VTCN1: variants seen among roughly 807,000 people sequenced by gnomAD.
VTCN1 encodes the protein V-set domain containing T cell activation inhibitor 1.
Under a neutral mutation model 26.5 loss-of-function variants are expected in VTCN1, and 26 were observed. That is an observed-to-expected ratio of 0.98 (90% confidence interval 0.72 to 1.36). The LOEUF is 1.36. Ranked by LOEUF, VTCN1 falls within the 40% of genes most tolerant of loss-of-function variation. The probability of loss-of-function intolerance (pLI) is 0.00; values close to 1 mark genes in which losing one functional copy is unlikely to be tolerated. For missense variants in VTCN1, 298 were observed against 337.7 expected (o/e 0.88, Z 0.92); for synonymous variants, 116 against 130.7 (o/e 0.89, Z 0.77).
At chr1:117,205,030 AT>A (rs751177435) in intron 1 of VTCN1, among the ~76,000 whole-genome samples, 1 of 150,736 alleles carries the variant, frequency 6.6e-6, no homozygotes, top group Non-Finnish European at 1.5e-5. Context: ...ATACACGTAT[AT>A]ATATACGTGT....
At chr1:117,178,587 CG>C (rs1378825955) in intron 1 of VTCN1, among the ~76,000 whole-genome samples, 1 of 43,296 alleles carries the variant, frequency 2.3e-5, no homozygotes. Flanking sequence ...TTCTTTCTTT[CG>C]TTTTTTTTTT....
chr1:117,157,034 A>G (rs1258509369), intron 2 of VTCN1, 113 bp from the exon 3 acceptor site: 2 of 1,596,466 alleles, frequency 1.3e-6, no homozygotes, highest in African/African-American at 1.3e-5. Flanking sequence ...AAAAATACAG[A>G]AGAACATGAG....
intron 1 of VTCN1, among the ~76,000 whole-genome samples, chr1:117,179,823 C>T (rs1011662664): frequency 2.6e-5 from 4 of 151,976 alleles, no homozygotes; most frequent in Non-Finnish European, 5.9e-5. Flanking sequence ...TAATCTAATC[C>T]CTATGACGAC....
rs1387601905 is a variant in VTCN1, at chr1:117,167,828, T to C, written c.97+2279A>G. On this transcript the variant is annotated intron_variant, in intron 2 of 5. Transcript: ENST00000369458. This position sits in a 1 kb window ranked among gnomAD's most constrained non-coding sequence, Gnocchi z 4.1. ...TATTAATAAAGATAAAAGCCAAAAT[T>C]AGTAAAATAGGAATACAGATCAGAG... Among the ~76,000 whole-genome samples the C allele has an allele frequency of 2.0e-5, 3 of 152,122 alleles. No individual in the cohort carries two copies. Among genetic ancestry groups the C allele is most frequent in the Non-Finnish European group, 4.4e-5 (3 of 68,030 alleles).
At chr1:117,205,013 C>CTTTCCT (rs1211054879) in intron 1 of VTCN1, among the ~76,000 whole-genome samples, 3 of 148,562 alleles carry the variant, frequency 2.0e-5, no homozygotes, top group Non-Finnish European at 1.5e-5. Flanking sequence ...TATATATATG[C>CTTTCCT]GTATATATAC....
rs564712787 is a variant in VTCN1 at position 117,169,222 on chromosome 1, C to T, written c.97+885G>A. 1.5e-3 allele frequency among the ~76,000 whole-genome samples: 224 copies of T among 152,312 alleles called. No individual in the cohort carries two copies. Among genetic ancestry groups the T allele is most frequent in the Non-Finnish European group, 2.6e-3 (174 of 68,022 alleles). ...AAAGCAGCATCCATAAAAGATGCTT[C>T]AGAGCAGTGGCCTATGCAGAAGAGG... On this transcript the variant is annotated intron_variant, in intron 2 of 5. Coordinates refer to ENST00000369458, the MANE Select transcript of VTCN1 (RefSeq NM_024626.4). This position sits in a 1 kb window ranked among gnomAD's most constrained non-coding sequence, Gnocchi z 4.0.
intron 4 of VTCN1, among the ~76,000 whole-genome samples, chr1:117,148,594 G>A (rs77226085): frequency 2.0e-3 from 297 of 152,252 alleles, no homozygotes; most frequent in Middle Eastern, 6.8e-3. Context: ...TCCACATCTA[G>A]ATTTCCAGTT....
intron 1 of VTCN1, among the ~76,000 whole-genome samples, chr1:117,178,259 C>CTTTTTTTTTT (rs1194911017): frequency 5.5e-5 from 6 of 108,354 alleles, no homozygotes; most frequent in Non-Finnish European, 9.7e-5. Context: ...TCTTTTTTTT[C>CTTTTTTTTTT]TTTTTTTTTT....
chr1:117,176,022 G>A (rs1213436309), intron 1 of VTCN1, among the ~76,000 whole-genome samples: 3 of 151,900 alleles, frequency 2.0e-5, no homozygotes, highest in Admixed American at 6.6e-5. Context: ...CACCTGCCTC[G>A]GCCTCCCAAA....
chr1:117,174,284 G>C (rs1653083432), intron 1 of VTCN1, among the ~76,000 whole-genome samples: 1 of 152,102 alleles, frequency 6.6e-6, no homozygotes, highest in Non-Finnish European at 1.5e-5. Context: ...GCTTTTGGAG[G>C]ACTTGCTCAT....
At chr1:117,198,565 A>C (rs552201936) in intron 1 of VTCN1, among the ~76,000 whole-genome samples, 6 of 152,186 alleles carry the variant, frequency 3.9e-5, no homozygotes, top group Non-Finnish European at 7.3e-5. Flanking sequence ...GTGTGCCTTC[A>C]GCATCCACAT....
intron 1 of VTCN1, among the ~76,000 whole-genome samples, chr1:117,197,640 C>T (rs967474436): frequency 6.6e-5 from 10 of 152,138 alleles, no homozygotes; most frequent in African/African-American, 1.7e-4. Flanking sequence ...AGGGCTCTTG[C>T]GCCCCTTTGC....
At position 117,186,868 on chromosome 1, in the gene VTCN1, T is replaced by C. The variant is rs1021509250; in HGVS notation, c.33-16697A>G. Reference sequence around the variant, plus strand: ...CATACCTGGTCTCCATAAATCAAATTAAACAGTGTTATTCAGGCCCCAGAA... The same window carrying C: ...CATACCTGGTCTCCATAAATCAAATCAAACAGTGTTATTCAGGCCCCAGAA... On this transcript the variant is annotated intron_variant, in intron 1 of 5. Transcript: ENST00000369458. Among the ~76,000 whole-genome samples the C allele has an allele frequency of 4.0e-5, 6 of 149,222 alleles. No homozygotes were observed. In the South Asian group the frequency reaches 1.3e-3, roughly 32 times the overall value.
chr1:117,171,004 C>T (rs1652886510), intron 1 of VTCN1, among the ~76,000 whole-genome samples: 1 of 149,430 alleles, frequency 6.7e-6, no homozygotes, highest in Non-Finnish European at 1.5e-5. Context: ...CCTCCCCTTG[C>T]CCCCAGCCCC....
At chr1:117,156,959 C>A in intron 2 of VTCN1, 38 bp from the exon 3 acceptor site, 2 of 1,613,286 alleles carry the variant, frequency 1.2e-6, no homozygotes, top group Non-Finnish European at 1.7e-6. Context: ...CTAAGGGAAG[C>A]CTTGGAACTT....
intron 1 of VTCN1, 143 bp downstream of exon 1, chr1:117,210,681 G>T: frequency 5.8e-6 from 5 of 855,804 alleles, no homozygotes; most frequent in Non-Finnish European, 9.4e-6. Context: ...CTCTTGTCTG[G>T]CCAGGCTCCC....
At position 117,175,078 on chromosome 1, in the gene VTCN1, C is replaced by A. The variant is rs1387081182; in HGVS notation, c.33-4907G>T. ...GGGCCTGGTTCGATTCCCTCACATG[C>A]CTGCTTCAGCTGCTGCTGCCTTCTG... On this transcript the variant is annotated intron_variant, in intron 1 of 5. Transcript: ENST00000369458. The surrounding 1 kb of genome is among the most constrained non-coding windows in gnomAD (Gnocchi z 4.2). 2.6e-5 allele frequency among the ~76,000 whole-genome samples: 4 copies of A among 151,490 alleles called. No individual in the cohort carries two copies. Among genetic ancestry groups the A allele is most frequent in the Admixed American group, 2.6e-4 (4 of 15,276 alleles).
In VTCN1 at chr1:117,143,953, A is replaced by C. The variant is rs2101404797; in HGVS notation, c.*1318T>G. On this transcript the variant is annotated 3_prime_UTR_variant, in exon 6 of 6. Transcript: ENST00000369458. ...TCTTACAGAACTTGGCTTGCAGGGT[A>C]GAATGAAGGGAAAGAAACTTAGAAG... 1 of 152,362 alleles carries C rather than the reference A, an allele frequency of 6.6e-6. No homozygotes were observed. The highest frequency in any genetic ancestry group is 1.9e-4 in the East Asian group (1 of 5,176). 9.4% of individuals were successfully genotyped at this position (152,362 alleles called of 1,614,324 possible). A position where few individuals can be genotyped will look rare whatever the true frequency, so the allele number is the denominator to read the frequency against.
Position 117,199,237 on chromosome 1 carries a change from G to A in VTCN1, c.32+11587C>T, listed in dbSNP as rs568265676. Among the ~76,000 whole-genome samples, 5 of 151,928 alleles carry A rather than the reference G, an allele frequency of 3.3e-5. No homozygotes were observed. The East Asian group carries it at 9.7e-4, about 29-fold the overall frequency. ...ACAATTAAACAGACTTAAGTCTATA[G>A]GATTTTTGAAATCCTTTAATATGCT... is the stretch of plus-strand genomic sequence containing the variant. On this transcript the variant is annotated intron_variant, in intron 1 of 5. Coordinates refer to ENST00000369458, the MANE Select transcript of VTCN1 (RefSeq NM_024626.4).
Sources: allele counts gnomAD v4.1 joint callset (sites outside exome capture counted in the v4.1 genomes callset), GRCh38; gene constraint gnomAD v4.1.1; non-coding constraint Gnocchi (gnomAD v3.1); transcripts MANE v1.5; gene names NCBI Gene and HGNC (gene_info 2026-07-23, HGNC 2026-07-21).